The following DLC1 variants were observed in gnomAD, a reference collection of about 807,000 sequenced individuals.
DLC1 encodes rho GTPase-activating protein 7.
In DLC1, 54 loss-of-function variants were observed where a neutral mutation model predicts 140.3. The ratio of observed to expected loss-of-function variants is 0.38; its 90% confidence interval spans 0.31 to 0.48. The LOEUF (loss-of-function observed/expected upper bound fraction) is 0.48. Ranked by LOEUF, DLC1 falls within the 20% of genes least tolerant of loss-of-function variation. DLC1 has a pLI of 0.96. For missense variants in DLC1, 2,536 were observed against 1,907.0 expected, an observed-to-expected ratio of 1.33 and a Z score of -6.14; for synonymous variants, 986 against 728.1, an observed-to-expected ratio of 1.35 and a Z score of -5.70.
chr8:13,122,660 T>C (rs10503434), intron 5 of DLC1, among the ~76,000 whole-genome samples: 13,911 of 152,150 alleles, frequency 0.091, 857 homozygotes, highest in Non-Finnish European at 0.14. Context: ...CTAGTAAGGT[T>C]AAGACAGACA....
intron 1 of DLC1, among the ~76,000 whole-genome samples, chr8:13,545,998 G>A (rs142264720): frequency 3.9e-5 from 6 of 152,188 alleles, no homozygotes; most frequent in Admixed American, 1.3e-4. Flanking sequence ...TATTAGATAC[G>A]TGCGTTGGCT....
In DLC1 at chr8:13,451,037, CAAAAAAAAAAAAAAAAAAAAAA is replaced by C. The variant is rs1169620786; in HGVS notation, c.1023+47990_1023+48011del. 2.7e-4 allele frequency among the ~76,000 whole-genome samples: 5 copies of C among 18,382 alleles called. No homozygotes were observed. The Admixed American group carries it at 3.0e-3, about 11-fold the overall frequency. The allele number at this position is 18,382 out of a possible 152,430, so 12.1% of individuals were successfully genotyped here. On this transcript the variant is annotated intron_variant, in intron 2 of 17. Coordinates refer to ENST00000276297, the MANE Select transcript of DLC1 (RefSeq NM_182643.3). ...CTGGTGATAGAGTGAGACTCCGTCT[CAAAAAAAAAAAAAAAAAAAAAA>C]AAAAAAAAAGAAAAAAAGAAAAAGG...
intron 5 of DLC1, among the ~76,000 whole-genome samples, chr8:13,134,149 G>A (rs768634603): frequency 1.3e-5 from 2 of 152,202 alleles, no homozygotes; most frequent in East Asian, 1.9e-4. Flanking sequence ...GAGGACCCCT[G>A]ATGTATTAGG....
intron 4 of DLC1, among the ~76,000 whole-genome samples, chr8:13,378,646 C>G (rs574162612): frequency 7.2e-5 from 11 of 152,198 alleles, no homozygotes; most frequent in African/African-American, 2.4e-4. Context: ...AATTCAGACA[C>G]CTTATTACAT....
intron 5 of DLC1, among the ~76,000 whole-genome samples, chr8:13,134,882 C>T (rs1299675250): frequency 6.6e-6 from 1 of 152,170 alleles, no homozygotes; most frequent in Non-Finnish European, 1.5e-5. Flanking sequence ...GTATGGGACT[C>T]CTCCGTTCAA....
At chr8:13,294,000 C>G (rs887137783) in intron 5 of DLC1, among the ~76,000 whole-genome samples, 2 of 152,094 alleles carry the variant, frequency 1.3e-5, no homozygotes, top group African/African-American at 4.8e-5. Flanking sequence ...CAGGATATAC[C>G]TAGTTCTAGC....
intron 4 of DLC1, among the ~76,000 whole-genome samples, chr8:13,367,648 C>G (rs1250602420): frequency 6.6e-6 from 1 of 152,160 alleles, no homozygotes; most frequent in East Asian, 1.9e-4. Flanking sequence ...TTGAAGTCAT[C>G]ATATCAGGCA....
At chr8:13,138,742 TC>T (rs1326617142) in intron 5 of DLC1, among the ~76,000 whole-genome samples, 1 of 152,186 alleles carries the variant, frequency 6.6e-6, no homozygotes, top group East Asian at 1.9e-4. Context: ...ATCTGGGTTC[TC>T]CCCCTACCCC....
rs1821976149 is a variant in DLC1 at position 13,130,340 on chromosome 8, T to C, written c.1349-14683A>G. Among the ~76,000 whole-genome samples, 7 of 152,342 alleles carry C rather than the reference T, an allele frequency of 4.6e-5. No homozygotes were observed. In the South Asian group the frequency reaches 1.5e-3, roughly 32 times the overall value. ...TCTACAAATAAGAGTTTAAGTACTA[T>C]ATACATTTTTAAACTCACTTCACAG... is the stretch of plus-strand genomic sequence containing the variant. On this transcript the variant is annotated intron_variant, in intron 5 of 17. Transcript: ENST00000276297.
chr8:13,513,739 T>G (rs1802477281), intron 1 of DLC1, among the ~76,000 whole-genome samples: 1 of 152,176 alleles, frequency 6.6e-6, no homozygotes, highest in Non-Finnish European at 1.5e-5. Context: ...ACATTTAAGA[T>G]TACCTTGAAG....
chr8:13,105,393 C>T (rs893478121), intron 7 of DLC1, among the ~76,000 whole-genome samples: 36 of 152,144 alleles, frequency 2.4e-4, no homozygotes, highest in African/African-American at 8.4e-4. Context: ...AGGCCTACTG[C>T]GGGCCAGGCA....
At chr8:13,399,960 G>A (rs1002262637) in intron 3 of DLC1, among the ~76,000 whole-genome samples, 3 of 152,048 alleles carry the variant, frequency 2.0e-5, no homozygotes, top group African/African-American at 7.2e-5. Context: ...CTCTGTATCT[G>A]GGTCAGTGCT....
chr8:13,551,967 GTATATGTGTGTGTGTGTATA>G (rs1169798999), intron 1 of DLC1, among the ~76,000 whole-genome samples: 3 of 143,892 alleles, frequency 2.1e-5, no homozygotes, highest in Non-Finnish European at 3.0e-5. Flanking sequence ...AGGTGTATAT[GTATATGTGTGTGTGTGTATA>G]TATATGTGTG....
chr8:13,598,325 C>A (rs901471765), intron 1 of DLC1, among the ~76,000 whole-genome samples: 3 of 151,524 alleles, frequency 2.0e-5, no homozygotes, highest in African/African-American at 4.8e-5. Context: ...GCTGAGCAGC[C>A]TGGGACAGGG....
At chr8:13,440,030 G>A (rs912679117) in intron 2 of DLC1, among the ~76,000 whole-genome samples, 6 of 152,106 alleles carry the variant, frequency 3.9e-5, no homozygotes, top group South Asian at 2.1e-4. Flanking sequence ...TCTGTGAGAC[G>A]GTAATAGGTA....
chr8:13,238,585 GT>G (rs5889427), intron 5 of DLC1, among the ~76,000 whole-genome samples: 107,354 of 151,862 alleles, frequency 0.71, 38,237 homozygotes, highest in East Asian at 0.92. Flanking sequence ...CCTTAGGGAA[GT>G]TATCAGTACC....
intron 4 of DLC1, among the ~76,000 whole-genome samples, chr8:13,337,826 G>A (rs1671354): frequency 0.93 from 140,984 of 152,208 alleles, 65,914 homozygotes; most frequent in East Asian, 1. Context: ...CTAAATAATT[G>A]AATTAAACAA....
chr8:13,156,535 A>G (rs997865141), intron 5 of DLC1, among the ~76,000 whole-genome samples: 3 of 152,176 alleles, frequency 2.0e-5, no homozygotes, highest in African/African-American at 7.2e-5. Context: ...TTTCTCTCGG[A>G]AATTCTGACT....
rs1438022704 is a variant in DLC1 at position 13,489,712 on chromosome 8, G to C, written c.1023+9337C>G. 1.3e-5 allele frequency among the ~76,000 whole-genome samples: 2 copies of C among 152,102 alleles called. 1 individual carries two copies. The highest frequency in any genetic ancestry group is 4.1e-4 in the South Asian group (2 of 4,828). ...TGTTGGCTTCTTTAGTTTGTTCTAG[G>C]CATAGTGAAGAATCTGTGGACACTT... On this transcript the variant is annotated intron_variant, in intron 2 of 17. Transcript: ENST00000276297.
Sources: gnomAD v4.1 joint callset for allele counts (sites outside exome capture counted in the v4.1 genomes callset) on GRCh38, gnomAD v4.1.1 for gene constraint, MANE v1.5 for transcripts, NCBI Gene and HGNC (gene_info 2026-07-23, HGNC 2026-07-21) for gene names.